CACNG3: variants seen among roughly 807,000 people sequenced by gnomAD.
CACNG3 encodes the protein voltage-dependent calcium channel gamma-3 subunit.
A neutral mutation model predicts 28.5 loss-of-function variants in CACNG3; 3 were observed. That is an observed-to-expected ratio of 0.11 (90% CI 0.05 to 0.27). The LOEUF is 0.27. Ranked by LOEUF, CACNG3 falls within the 10% of genes least tolerant of loss-of-function variation. The pLI is 1.00. For synonymous variants in CACNG3, 174 were observed against 162.2 expected (o/e 1.07, Z -0.55); for missense variants, 236 against 414.4 (o/e 0.57, Z 3.74).
At chr16:24,349,119 G>T (rs1184151796) in intron 2 of CACNG3, among the ~76,000 whole-genome samples, 3 of 152,218 alleles carry the variant, frequency 2.0e-5, no homozygotes, top group African/African-American at 7.2e-5. Flanking sequence ...CATTCCTGCA[G>T]GGTTCTCCCT....
chr16:24,290,050 TCA>T (rs1349750216), intron 1 of CACNG3, among the ~76,000 whole-genome samples: 1 of 152,258 alleles, frequency 6.6e-6, no homozygotes, highest in African/African-American at 2.4e-5. Flanking sequence ...ACAAAGACCA[TCA>T]TAGACAGAGA....
chr16:24,287,869 G>C (rs1898915259), intron 1 of CACNG3, among the ~76,000 whole-genome samples: 2 of 152,210 alleles, frequency 1.3e-5, no homozygotes, highest in South Asian at 4.1e-4. Flanking sequence ...AGCACTTGGA[G>C]AGGCCGAGGG....
At chr16:24,283,833 C>T (rs73552397) in intron 1 of CACNG3, among the ~76,000 whole-genome samples, 2,011 of 152,252 alleles carry the variant, frequency 0.013, 38 homozygotes, top group African/African-American at 0.046. Flanking sequence ...AGCAAACTCC[C>T]TAAGGTGATT....
chr16:24,309,176 T>C (rs768319844), intron 1 of CACNG3, among the ~76,000 whole-genome samples: 13 of 152,216 alleles, frequency 8.5e-5, no homozygotes, highest in African/African-American at 2.7e-4. Context: ...AACAAAGAGA[T>C]AAGGACTAAT....
chr16:24,328,406 T>C (rs899389877), intron 1 of CACNG3, among the ~76,000 whole-genome samples: 1 of 148,888 alleles, frequency 6.7e-6, no homozygotes, highest in Non-Finnish European at 1.5e-5. Flanking sequence ...GAGGATCTCG[T>C]AGGCCAGGTT....
chr16:24,277,388 C>T (rs745897593), intron 1 of CACNG3, among the ~76,000 whole-genome samples: 11 of 152,098 alleles, frequency 7.2e-5, no homozygotes, highest in East Asian at 1.9e-4. Flanking sequence ...TCAGGGACGC[C>T]GCTAAACCCC....
intron 1 of CACNG3, among the ~76,000 whole-genome samples, chr16:24,335,488 C>T (rs887750219): frequency 4.6e-5 from 7 of 152,224 alleles, no homozygotes; most frequent in Admixed American, 2.0e-4. Context: ...CATCCACATA[C>T]ATACTTCCCA....
At chr16:24,355,962 A>G (rs1003510701) in intron 3 of CACNG3, among the ~76,000 whole-genome samples, 1 of 152,168 alleles carries the variant, frequency 6.6e-6, no homozygotes, top group Non-Finnish European at 1.5e-5. Context: ...CTGAGAGACA[A>G]CTTTCAGAAA....
chr16:24,356,010 A>T (rs1277596108), intron 3 of CACNG3, among the ~76,000 whole-genome samples: 1 of 151,794 alleles, frequency 6.6e-6, no homozygotes, highest in Non-Finnish European at 1.5e-5. Flanking sequence ...TGCCTCTTTT[A>T]CCTCCCTCCA....
intron 1 of CACNG3, among the ~76,000 whole-genome samples, chr16:24,286,868 T>C (rs1393414102): frequency 2.0e-5 from 3 of 152,180 alleles, no homozygotes; most frequent in Non-Finnish European, 2.9e-5. Flanking sequence ...CCTCCAAGGA[T>C]ACCGTCACTG....
chr16:24,263,178 G>T (rs1342365141), intron 1 of CACNG3, among the ~76,000 whole-genome samples: 1 of 152,066 alleles, frequency 6.6e-6, no homozygotes, highest in African/African-American at 2.4e-5. Context: ...ATTCATTAGA[G>T]GAGATAACCC....
intron 1 of CACNG3, among the ~76,000 whole-genome samples, chr16:24,302,949 T>C (rs905867201): frequency 6.6e-6 from 1 of 152,004 alleles, no homozygotes; most frequent in Non-Finnish European, 1.5e-5. Context: ...CATGAGCCTC[T>C]GAACCTGACC....
intron 2 of CACNG3, among the ~76,000 whole-genome samples, chr16:24,353,560 C>T (rs1210791189): frequency 1.3e-5 from 2 of 152,164 alleles, no homozygotes; most frequent in African/African-American, 4.8e-5. Flanking sequence ...ACACAGGGAC[C>T]TCCAGGACTC....
At chr16:24,336,817 T>A (rs934851616) in intron 1 of CACNG3, among the ~76,000 whole-genome samples, 1 of 151,778 alleles carries the variant, frequency 6.6e-6, no homozygotes, top group African/African-American at 2.4e-5. Context: ...GTTGTTGTTG[T>A]TTTGTTTTGT....
At chr16:24,360,047 T>G (rs1900085327) in intron 3 of CACNG3, among the ~76,000 whole-genome samples, 1 of 152,036 alleles carries the variant, frequency 6.6e-6, no homozygotes, top group Admixed American at 6.5e-5. Context: ...ATTCAAGGAA[T>G]GGAGAGAGAA....
chr16:24,325,715 G>T (rs1899531769), intron 1 of CACNG3, among the ~76,000 whole-genome samples: 2 of 152,234 alleles, frequency 1.3e-5, no homozygotes, highest in Admixed American at 1.3e-4. Flanking sequence ...TGGAAACCAA[G>T]ATCACAAATG....
In CACNG3 at chr16:24,362,243, T is replaced by C. The variant is rs1900112003; in HGVS notation, c.*380T>C. ...GGCGCGCTCATAGTTGTCCCCATTG[T>C]CTACCCACACAAATCCTCAGGAAAC... On this transcript the variant is annotated 3_prime_UTR_variant, in exon 4 of 4. Transcript: ENST00000005284. The C allele has an allele frequency of 5.7e-6, 1 of 175,200 alleles. No individual in the cohort carries two copies. The allele number at this position is 175,200 out of a possible 1,614,324, so 10.9% of individuals were successfully genotyped here.
rs1171635980 is a variant in CACNG3, at chr16:24,362,318, G to GA, written c.*460dup. On this transcript the variant is annotated 3_prime_UTR_variant, in exon 4 of 4. Coordinates refer to ENST00000005284, the MANE Select transcript of CACNG3 (RefSeq NM_006539.4). ...GGGAGGCATTCACCTTTATGTGTTAGAAAAACATGACCAGAAATCAAAGAT... is the reference window on the plus strand; with the variant it reads ...GGGAGGCATTCACCTTTATGTGTTAGAAAAAACATGACCAGAAATCAAAGAT... 6.4e-6 allele frequency: 1 copy of GA among 157,338 alleles called. No individual in the cohort carries two copies. Among genetic ancestry groups the GA allele is most frequent in the Non-Finnish European group, 1.4e-5 (1 of 71,194 alleles). The allele number at this position is 157,338 out of a possible 1,614,324, so 9.7% of individuals were successfully genotyped here. A position where few individuals can be genotyped will look rare whatever the true frequency, so the allele number is the denominator to read the frequency against.
At chr16:24,342,716 C>T (rs780709950) in intron 1 of CACNG3, among the ~76,000 whole-genome samples, 1 of 152,038 alleles carries the variant, frequency 6.6e-6, no homozygotes, top group Admixed American at 6.6e-5. Flanking sequence ...CAAATGGGCA[C>T]GATTGTGTTT....
Sources: allele counts gnomAD v4.1 joint callset (sites outside exome capture counted in the v4.1 genomes callset), GRCh38; gene constraint gnomAD v4.1.1; transcripts MANE v1.5; gene names NCBI Gene and HGNC (gene_info 2026-07-23, HGNC 2026-07-21).